Variants in CNDP1 observed in about 807,000 individuals in gnomAD.
CNDP1 encodes the protein beta-Ala-His dipeptidase.
CNDP1 carries 44 observed loss-of-function variants against 58.1 expected under a neutral mutation model. The ratio of observed to expected loss-of-function variants is 0.76; its 90% CI spans 0.60 to 0.97. CNDP1 has a LOEUF of 0.97. Among genes scored for constraint, CNDP1 ranks in the 50% least tolerant of loss-of-function variants. The probability of loss-of-function intolerance (pLI) is 0.00; values close to 1 mark genes in which losing one functional copy is unlikely to be tolerated. For missense variants in CNDP1, 616 were observed against 655.1 expected (o/e 0.94, Z 0.65); for synonymous variants, 254 against 252.6 (o/e 1.01, Z -0.05).
At chr18:74,553,323 A>G (rs937071087) in intron 1 of CNDP1, among the ~76,000 whole-genome samples, 3 of 152,170 alleles carry the variant, frequency 2.0e-5, no homozygotes, top group Admixed American at 2.0e-4. Flanking sequence ...TGTCATATCT[A>G]AGAAACCATC....
Position 74,583,688 on chromosome 18 carries a change from G to A in CNDP1, c.1437G>A (p.Ser479=), listed in dbSNP as rs762215977. The change falls in exon 11 of 12, where the codon TCG becomes TCA. Residue 479 remains serine, a synonymous_variant. Transcript: ENST00000358821. ...GAGCTGTTGATGATGGAGAACATTC[G>A]CAGAATGAGAAAATCAACAGGTCAG... ...PLGAVDDGEH[S]QNEKINRWNY... The A allele has an allele frequency of 5.6e-6, 9 of 1,614,016 alleles. No homozygotes were observed. Among genetic ancestry groups the A allele is most frequent in the African/African-American group, 2.7e-5 (2 of 74,926 alleles).
chr18:74,564,993 G>A (rs1331294718), intron 5 of CNDP1, among the ~76,000 whole-genome samples: 1 of 152,156 alleles, frequency 6.6e-6, no homozygotes, highest in African/African-American at 2.4e-5. Context: ...AGGTTTAATT[G>A]GACTTACAGT....
chr18:74,584,583 G>T lies in CNDP1; in HGVS notation c.*21G>T. 6.3e-7 allele frequency: 1 copy of T among 1,587,728 alleles called. No individual in the cohort carries two copies. The highest frequency in any genetic ancestry group is 1.1e-5 in the South Asian group (1 of 90,466). On this transcript the variant is annotated 3_prime_UTR_variant, in exon 12 of 12. Coordinates refer to ENST00000358821, the MANE Select transcript of CNDP1 (RefSeq NM_032649.6). Reference sequence around the variant, plus strand: ...ATTAATCACAAGAACCTTCTAGTCTGATCTGATCCACTGACAGATTCACCT... The same window carrying T: ...ATTAATCACAAGAACCTTCTAGTCTTATCTGATCCACTGACAGATTCACCT...
intron 7 of CNDP1, among the ~76,000 whole-genome samples, chr18:74,575,289 G>C (rs1305009599): frequency 6.6e-6 from 1 of 152,184 alleles, no homozygotes; most frequent in Non-Finnish European, 1.5e-5. Context: ...ACAGAGGCCT[G>C]GATCGTTTTA....
chr18:74,559,197 A>T (rs541044017), intron 2 of CNDP1, 126 bp from the exon 3 acceptor site: 21 of 839,798 alleles, frequency 2.5e-5, no homozygotes, highest in Middle Eastern at 6.3e-4. Flanking sequence ...GCACTGTCAT[A>T]GGTCCTCAGG....
rs573596137 is a variant in CNDP1, at chr18:74,574,525, C to G, written c.842-2344C>G. 7.9e-5 allele frequency among the ~76,000 whole-genome samples: 12 copies of G among 152,296 alleles called. 1 individual carries two copies. In the South Asian group the frequency reaches 2.3e-3, roughly 29 times the overall value. On this transcript the variant is annotated intron_variant, in intron 7 of 11. Coordinates refer to ENST00000358821, the MANE Select transcript of CNDP1 (RefSeq NM_032649.6). The stretch of plus-strand genomic sequence containing the variant: ...AAAATGTTCAAATCCAAGATGGCTG[C>G]TAGGCATGCAGGATTCTGTTTCCTG...
chr18:74,562,033 T>C lies in CNDP1; in HGVS notation c.467-14T>C. The C allele has an allele frequency of 6.2e-7, 1 of 1,611,978 alleles. No homozygotes were observed. Among genetic ancestry groups the C allele is most frequent in the Non-Finnish European group, 8.5e-7 (1 of 1,178,190 alleles). On this transcript the variant is annotated splice_polypyrimidine_tract_variant and intron_variant, in intron 4 of 11. Transcript: ENST00000358821. Reference sequence around the variant, plus strand: ...GTCCACACTTCTCTGAACATTCTTCTCCCCTTTTTAAAGGGAAACTTTATG... The same window carrying C: ...GTCCACACTTCTCTGAACATTCTTCCCCCCTTTTTAAAGGGAAACTTTATG...
At chr18:74,538,073 A>G (rs1199385318) in intron 1 of CNDP1, among the ~76,000 whole-genome samples, 1 of 152,224 alleles carries the variant, frequency 6.6e-6, no homozygotes, top group Admixed American at 6.5e-5. Context: ...CTTTCAAGCC[A>G]TCATTCAGTG....
chr18:74,582,535 T>C (rs927797940), intron 10 of CNDP1, among the ~76,000 whole-genome samples: 1 of 152,238 alleles, frequency 6.6e-6, no homozygotes, highest in Non-Finnish European at 1.5e-5. Flanking sequence ...TAATATTTAA[T>C]TCATGAAGAA....
intron 6 of CNDP1, among the ~76,000 whole-genome samples, chr18:74,567,709 C>G (rs1981366977): frequency 6.6e-6 from 1 of 152,186 alleles, no homozygotes; most frequent in Admixed American, 6.5e-5. Flanking sequence ...AGCTTGGAAA[C>G]TCTGGCCATG....
chr18:74,555,247 A>T (rs1981007361), intron 1 of CNDP1, among the ~76,000 whole-genome samples: 1 of 152,168 alleles, frequency 6.6e-6, no homozygotes, highest in African/African-American at 2.4e-5. Flanking sequence ...CTCCTGCTGC[A>T]GGAGGGTGGG....
chr18:74,535,250 G>A (rs1409388291), intron 1 of CNDP1, among the ~76,000 whole-genome samples: 4 of 152,204 alleles, frequency 2.6e-5, no homozygotes, highest in African/African-American at 9.7e-5. Flanking sequence ...GTGAGGTTTT[G>A]TGGGGTTGTG....
intron 5 of CNDP1, among the ~76,000 whole-genome samples, chr18:74,563,987 A>G (rs1981265807): frequency 6.6e-6 from 1 of 152,262 alleles, no homozygotes; most frequent in Non-Finnish European, 1.5e-5. Context: ...AGAACTTCAG[A>G]TGGACTTCCT....
At position 74,534,557 on chromosome 18, in the gene CNDP1, C is replaced by A; in HGVS notation, c.-111C>A. On this transcript the variant is annotated 5_prime_UTR_variant, in exon 1 of 12. Transcript: ENST00000358821. ...CTTCCTTCCGGGGGACAACGTGGGT[C>A]AGGGCACAGAGAGATATTTAATGTC... The A allele has an allele frequency of 2.6e-6, 3 of 1,137,788 alleles. No homozygotes were observed. Among genetic ancestry groups the A allele is most frequent in the Non-Finnish European group, 4.0e-6 (3 of 759,172 alleles). The allele number at this position is 1,137,788 out of a possible 1,614,324, so 70.5% of individuals were successfully genotyped here. A position where few individuals can be genotyped will look rare whatever the true frequency, so the allele number is the denominator to read the frequency against.
intron 1 of CNDP1, among the ~76,000 whole-genome samples, chr18:74,552,837 AATTG>A (rs1298891323): frequency 6.6e-6 from 1 of 150,996 alleles, no homozygotes; most frequent in African/African-American, 2.5e-5. Context: ...CTCTATGTTT[AATTG>A]ATCAAGGAAC....
At chr18:74,583,840 G>A in intron 11 of CNDP1, 132 bp downstream of exon 11, 1 of 885,736 alleles carries the variant, frequency 1.1e-6, no homozygotes, top group Non-Finnish European at 1.7e-6. Context: ...TTAAAGAACA[G>A]ACATTCATTC....
intron 7 of CNDP1, among the ~76,000 whole-genome samples, chr18:74,575,350 C>T (rs898913924): frequency 6.6e-6 from 1 of 152,192 alleles, no homozygotes; most frequent in African/African-American, 2.4e-5. Flanking sequence ...CAACTCTGTC[C>T]TTACGCAGAA....
rs1262042664 is a variant in CNDP1, at chr18:74,561,036, G to T, written c.466+18G>T. The T allele has an allele frequency of 1.2e-6, 2 of 1,607,604 alleles. No individual in the cohort carries two copies. The highest frequency in any genetic ancestry group is 1.7e-6 in the Non-Finnish European group (2 of 1,175,478). ...GGTAGACGGTCAGTGAGGCGCCCGG[G>T]CTACAGTGCGGTGCTGCTGTGCTTG... On this transcript the variant is annotated intron_variant, in intron 4 of 11. Coordinates refer to ENST00000358821, the MANE Select transcript of CNDP1 (RefSeq NM_032649.6).
intron 8 of CNDP1, 168 bp from the exon 9 acceptor site, chr18:74,577,993 CAG>C (rs59919874): frequency 0.16 from 92,047 of 573,666 alleles, 8,446 homozygotes; most frequent in Middle Eastern, 0.2. Context: ...CTGAGGACAG[CAG>C]AGAGTTTGTG....
Sources: gnomAD v4.1 joint callset for allele counts (sites outside exome capture counted in the v4.1 genomes callset) on GRCh38, gnomAD v4.1.1 for gene constraint, MANE v1.5 for transcripts, NCBI Gene and HGNC (gene_info 2026-07-23, HGNC 2026-07-21) for gene names.